Variants in ABI2 observed in about 807,000 individuals in gnomAD.
ABI2 encodes abelson interactor 2.
In ABI2, 25 loss-of-function variants were observed where a neutral mutation model predicts 59.2. The ratio of observed to expected loss-of-function variants is 0.42; its 90% CI spans 0.31 to 0.59. The LOEUF (loss-of-function observed/expected upper bound fraction) is 0.59. ABI2 is among the 20% of genes least tolerant of loss of function. The probability of loss-of-function intolerance (pLI) is 0.14; values close to 1 mark genes in which losing one functional copy is unlikely to be tolerated. For missense variants in ABI2, 545 were observed against 681.8 expected (o/e 0.80, Z 2.23); for synonymous variants, 213 against 235.5 (o/e 0.90, Z 0.87).
At chr2:203,416,768 ATCTTGC>A (rs1189133969) in intron 10 of ABI2, 134 bp from the exon 11 acceptor site, 10 of 874,170 alleles carry the variant, frequency 1.1e-5, no homozygotes, top group Non-Finnish European at 1.7e-5. Context: ...GGGAAGACTT[ATCTTGC>A]TCATTGATTT....
chr2:203,374,324 AC>A (rs1290485518), intron 2 of ABI2, among the ~76,000 whole-genome samples: 3 of 151,834 alleles, frequency 2.0e-5, no homozygotes, highest in African/African-American at 7.3e-5. Context: ...ACATAGTGAA[AC>A]CCTGTCGCTA....
chr2:203,411,031 G>A (rs947504836), intron 9 of ABI2, among the ~76,000 whole-genome samples: 2 of 151,188 alleles, frequency 1.3e-5, no homozygotes, highest in South Asian at 4.2e-4. Flanking sequence ...ATACGATTAT[G>A]TTATATATAT....
chr2:203,387,401 G>A (rs2096572638), intron 4 of ABI2, among the ~76,000 whole-genome samples: 1 of 152,188 alleles, frequency 6.6e-6, no homozygotes, highest in Non-Finnish European at 1.5e-5. Context: ...CAGTTGTAGT[G>A]ATCTCCAAAG....
chr2:203,405,956 GT>G (rs913177055), intron 9 of ABI2, among the ~76,000 whole-genome samples: 1 of 152,098 alleles, frequency 6.6e-6, no homozygotes, highest in Non-Finnish European at 1.5e-5. Flanking sequence ...CACAATAATT[GT>G]TTTTTTCATG....
intron 1 of ABI2, chr2:203,342,369 C>A: frequency 3.0e-6 from 1 of 336,698 alleles, no homozygotes; most frequent in Non-Finnish European, 5.8e-6. Flanking sequence ...TGTTATGTGG[C>A]CTTACCCACT....
chr2:203,337,601 A>G (rs1310113960), intron 1 of ABI2, among the ~76,000 whole-genome samples: 2 of 152,254 alleles, frequency 1.3e-5, no homozygotes, highest in African/African-American at 4.8e-5. Context: ...ATCTCTATCA[A>G]TATTCCAATG....
intron 11 of ABI2, among the ~76,000 whole-genome samples, chr2:203,421,071 A>G (rs2098183194): frequency 6.6e-6 from 1 of 152,204 alleles, no homozygotes; most frequent in Non-Finnish European, 1.5e-5. Flanking sequence ...GATTAAAAAA[A>G]AAATCTGGTA....
intron 10 of ABI2, among the ~76,000 whole-genome samples, chr2:203,416,348 T>C (rs1182612054): frequency 6.6e-6 from 1 of 152,152 alleles, no homozygotes; most frequent in African/African-American, 2.4e-5. Context: ...TGGCCCAGGC[T>C]GGAGTGGCGT....
At chr2:203,328,664 G>A (rs2070106009) in intron 1 of ABI2, 33 bp downstream of exon 1, 3 of 1,460,314 alleles carry the variant, frequency 2.1e-6, no homozygotes, top group South Asian at 1.4e-5. Context: ...CCGCGTCGGG[G>A]ACCCCCCCGC....
At chr2:203,363,361 C>T (rs1395408726) in intron 1 of ABI2, among the ~76,000 whole-genome samples, 1 of 152,098 alleles carries the variant, frequency 6.6e-6, no homozygotes, top group South Asian at 2.1e-4. Context: ...TTTATGAAAT[C>T]ACCCTGTTGT....
chr2:203,350,630 C>G (rs1277891068), intron 1 of ABI2, among the ~76,000 whole-genome samples: 1 of 151,236 alleles, frequency 6.6e-6, no homozygotes, highest in Non-Finnish European at 1.5e-5. Context: ...ATCTCTGCCT[C>G]CCGGGTTCAA....
intron 6 of ABI2, among the ~76,000 whole-genome samples, chr2:203,395,448 T>TATACACACACACACAC (rs750379504): frequency 9.9e-4 from 114 of 115,304 alleles, no homozygotes; most frequent in Middle Eastern, 5.2e-3. Context: ...TATATATATA[T>TATACACACACACACAC]ACACACACAC....
chr2:203,409,777 A>G (rs750198647), intron 9 of ABI2, among the ~76,000 whole-genome samples: 3 of 152,126 alleles, frequency 2.0e-5, no homozygotes, highest in Non-Finnish European at 4.4e-5. Flanking sequence ...AGTAGGTTGC[A>G]TTACCTTGTT....
rs780380870 is a variant in ABI2 at position 203,396,823 on chromosome 2, A to G, written c.889A>G (p.Thr297Ala). 2.6e-6 allele frequency: 4 copies of G among 1,533,926 alleles called. No homozygotes were observed. In the South Asian group the frequency reaches 4.8e-5, roughly 18 times the overall value. The change falls in exon 8 of 12, where the codon ACT (threonine) becomes GCT (alanine). Residue 297 changes from threonine to alanine, a missense_variant. Thr to Ala is a moderately conservative substitution (Grantham distance 58, BLOSUM62 0). Coordinates refer to ENST00000261018, the MANE Select transcript of ABI2 (RefSeq NM_001375670.1). ...TGCTGGCACTCCTCCCCTTCCTGCT[A>G]CTTCTGCATCTGCCCCTGCTCCTCT... ...GSAGTPPLPA[T>A]SASAPAPLVP...
chr2:203,382,100 T>C, intron 3 of ABI2, 89 bp from the exon 4 acceptor site: 2 of 1,157,918 alleles, frequency 1.7e-6, no homozygotes. Context: ...TTTTTCTTTT[T>C]TTCCTTTCTC....
rs2098454929 is a variant in ABI2, at chr2:203,428,073, A to T, written c.*721A>T. ...TGATTTTAATGTGCTGCTGCATGAG[A>T]CTGCATTGTTGCTAATGGCCAGTGT... On this transcript the variant is annotated 3_prime_UTR_variant, in exon 12 of 12. Coordinates refer to ENST00000261018, the MANE Select transcript of ABI2 (RefSeq NM_001375670.1). The T allele has an allele frequency of 6.6e-6, 1 of 152,204 alleles. No homozygotes were observed. The highest frequency in any genetic ancestry group is 1.5e-5 in the Non-Finnish European group (1 of 68,052). 9.4% of individuals were successfully genotyped at this position (152,204 alleles called of 1,614,324 possible).
At chr2:203,362,409 G>A (rs899683550) in intron 1 of ABI2, among the ~76,000 whole-genome samples, 4 of 152,112 alleles carry the variant, frequency 2.6e-5, no homozygotes, top group African/African-American at 9.7e-5. Flanking sequence ...GGGGGTAGTT[G>A]CTTTATATTC....
intron 6 of ABI2, 94 bp downstream of exon 6, chr2:203,394,940 G>A (rs2096912076): frequency 7.2e-7 from 1 of 1,391,536 alleles, no homozygotes; most frequent in Non-Finnish European, 1.0e-6. Flanking sequence ...CAAGCACTAA[G>A]TTCTTTTCCT....
chr2:203,422,214 C>T (rs2098247823), intron 11 of ABI2, among the ~76,000 whole-genome samples: 1 of 152,104 alleles, frequency 6.6e-6, no homozygotes, highest in Non-Finnish European at 1.5e-5. Context: ...GGGAGCATCA[C>T]CTGAGCCCAG....
Sources: gnomAD v4.1 joint callset for allele counts (sites outside exome capture counted in the v4.1 genomes callset) on GRCh38, gnomAD v4.1.1 for gene constraint, MANE v1.5 for transcripts, NCBI Gene and HGNC (gene_info 2026-07-23, HGNC 2026-07-21) for gene names.